The following PCDH15 variants were observed in gnomAD, a reference collection of about 807,000 sequenced individuals.
PCDH15 encodes the protein protocadherin related 15, also known as protocadherin-15.
A neutral mutation model predicts 178.5 loss-of-function variants in PCDH15; 129 were observed. That is an observed-to-expected ratio of 0.72 (90% CI 0.63 to 0.84). PCDH15 has a LOEUF of 0.84. Among genes scored for constraint, PCDH15 ranks in the 40% least tolerant of loss-of-function variants. The pLI is 0.00. For synonymous variants in PCDH15, 800 were observed against 732.0 expected (o/e 1.09, Z -1.50); for missense variants, 2,230 against 2,099.9 (o/e 1.06, Z -1.21).
chr10:54,332,931 A>G (rs1940157810), intron 6 of PCDH15, among the ~76,000 whole-genome samples: 1 of 151,796 alleles, frequency 6.6e-6, no homozygotes, highest in South Asian at 2.1e-4. Context: ...TACTTTTTAT[A>G]TGTATGTATT....
At chr10:55,221,053 T>A (rs1004170408) in intron 1 of PCDH15, among the ~76,000 whole-genome samples, 1 of 152,144 alleles carries the variant, frequency 6.6e-6, no homozygotes, top group South Asian at 2.1e-4. Context: ...TATAATGTGA[T>A]GCTTTTCAGC....
At chr10:54,858,388 T>G (rs74966223) in intron 3 of PCDH15, among the ~76,000 whole-genome samples, 1 of 152,208 alleles carries the variant, frequency 6.6e-6, no homozygotes, top group Admixed American at 6.6e-5. Context: ...TACTCCTTGT[T>G]TGTATAGCTG....
At chr10:55,180,594 T>A (rs569287076) in intron 1 of PCDH15, among the ~76,000 whole-genome samples, 11 of 152,250 alleles carry the variant, frequency 7.2e-5, no homozygotes, top group African/African-American at 2.6e-4. Flanking sequence ...TAGAGTGCAA[T>A]AACTCAGGTA....
At chr10:54,693,285 C>T (rs998115687) in intron 1 of PCDH15, among the ~76,000 whole-genome samples, 1 of 151,778 alleles carries the variant, frequency 6.6e-6, no homozygotes, top group Admixed American at 6.6e-5. Flanking sequence ...GTAAGTTACA[C>T]TGTAACTTAT....
In PCDH15 at chr10:54,028,383, T is replaced by C. The variant is rs1328925735; in HGVS notation, c.2221-5186A>G. On this transcript the variant is annotated intron_variant, in intron 18 of 37. Coordinates refer to ENST00000644397, the MANE Select transcript of PCDH15 (RefSeq NM_001384140.1). ...ACCATTGTGGAAGTCAGTGTGGCGA[T>C]TCCTCAGGGATCTAGAACTGGAAAT... Among the ~76,000 whole-genome samples, 25 of 149,298 alleles carry C rather than the reference T, an allele frequency of 1.7e-4. No individual in the cohort carries two copies. In the South Asian group the frequency reaches 2.1e-3, roughly 13 times the overall value.
intron 1 of PCDH15, among the ~76,000 whole-genome samples, chr10:54,772,045 A>G (rs556376433): frequency 2.6e-5 from 4 of 152,306 alleles, no homozygotes; most frequent in South Asian, 2.1e-4. Flanking sequence ...TCTACCAGAA[A>G]AGCCACCCAT....
intron 2 of PCDH15, among the ~76,000 whole-genome samples, chr10:55,611,234 G>C (rs1265610806): frequency 1.3e-5 from 2 of 152,184 alleles, no homozygotes; most frequent in East Asian, 3.9e-4. Context: ...ACAACTCACA[G>C]AATGAGAGAA....
At chr10:54,185,413 A>G (rs2048400096) in intron 11 of PCDH15, 145 bp from the exon 12 acceptor site, 2 of 923,176 alleles carry the variant, frequency 2.2e-6, no homozygotes, top group Admixed American at 2.2e-5. Flanking sequence ...ATTTAACTAG[A>G]TATTTACTCA....
chr10:54,258,125 C>T (rs535229978), intron 8 of PCDH15, among the ~76,000 whole-genome samples: 36 of 152,164 alleles, frequency 2.4e-4, no homozygotes, highest in African/African-American at 7.9e-4. Context: ...TATTTCAGAG[C>T]CATTTCTGCC....
intron 18 of PCDH15, among the ~76,000 whole-genome samples, chr10:54,056,452 C>T (rs1288671975): frequency 1.3e-5 from 2 of 152,104 alleles, no homozygotes. Flanking sequence ...AAAGTCACAC[C>T]TTACATGATG....
chr10:55,445,224 C>T (rs1302391547), intron 2 of PCDH15, among the ~76,000 whole-genome samples: 2 of 152,100 alleles, frequency 1.3e-5, no homozygotes, highest in Admixed American at 6.6e-5. Context: ...GAGGCAGAAA[C>T]GTCTGTTTAA....
intron 2 of PCDH15, among the ~76,000 whole-genome samples, chr10:55,029,849 C>A (rs1206003074): frequency 6.6e-6 from 1 of 151,978 alleles, no homozygotes; most frequent in Non-Finnish European, 1.5e-5. Context: ...CAGCCAGTTG[C>A]CCCAAGGTCC....
At chr10:54,300,151 G>A (rs2060062386) in intron 8 of PCDH15, among the ~76,000 whole-genome samples, 1 of 152,116 alleles carries the variant, frequency 6.6e-6, no homozygotes, top group African/African-American at 2.4e-5. Context: ...CCTTCTTAGG[G>A]GAAGAGTGTT....
chr10:55,076,083 A>C (rs1217870549), intron 2 of PCDH15, among the ~76,000 whole-genome samples: 1 of 152,130 alleles, frequency 6.6e-6, no homozygotes, highest in East Asian at 1.9e-4. Flanking sequence ...GTTTTATTTC[A>C]TCGTTGTCTG....
At chr10:55,219,797 TAAG>T (rs1003237429) in intron 1 of PCDH15, among the ~76,000 whole-genome samples, 1 of 150,850 alleles carries the variant, frequency 6.6e-6, no homozygotes, top group Non-Finnish European at 1.5e-5. Flanking sequence ...CAAGGAAAAA[TAAG>T]GAGCTGAAGA....
intron 10 of PCDH15, among the ~76,000 whole-genome samples, chr10:54,203,035 A>G (rs1044210237): frequency 3.9e-5 from 6 of 152,118 alleles, no homozygotes; most frequent in African/African-American, 1.4e-4. Context: ...GCTATTGGTT[A>G]GCCCTATTGG....
chr10:55,057,930 T>G (rs1841343013), intron 2 of PCDH15, among the ~76,000 whole-genome samples: 1 of 152,310 alleles, frequency 6.6e-6, no homozygotes, highest in Non-Finnish European at 1.5e-5. Context: ...ATGCTTGTTC[T>G]TTATATTTTA....
At chr10:53,875,971 T>A (rs570877256) in intron 26 of PCDH15, among the ~76,000 whole-genome samples, 1 of 152,246 alleles carries the variant, frequency 6.6e-6, no homozygotes, top group African/African-American at 2.4e-5. Flanking sequence ...AATGCCAAGT[T>A]TAACTTTAGC....
intron 25 of PCDH15, among the ~76,000 whole-genome samples, chr10:53,924,086 T>C (rs2084250576): frequency 6.6e-6 from 1 of 152,058 alleles, no homozygotes; most frequent in South Asian, 2.1e-4. Flanking sequence ...TGGCCGCGCT[T>C]GAGGAGCCCT....
Sources: allele counts gnomAD v4.1 joint callset (sites outside exome capture counted in the v4.1 genomes callset), GRCh38; gene constraint gnomAD v4.1.1; transcripts MANE v1.5; gene names NCBI Gene and HGNC (gene_info 2026-07-23, HGNC 2026-07-21).